KTN1: variants seen among roughly 807,000 people sequenced by gnomAD.
The protein encoded by KTN1 is kinectin.
Under a neutral mutation model 222.5 loss-of-function variants are expected in KTN1, and 130 were observed. The ratio of observed to expected loss-of-function variants is 0.58; its 90% confidence interval spans 0.51 to 0.68. The LOEUF (loss-of-function observed/expected upper bound fraction) is 0.68, where lower values mean the gene tolerates loss of function less well. Among genes scored for constraint, KTN1 ranks in the 30% least tolerant of loss-of-function variants. KTN1 has a pLI of 0.00. For synonymous variants in KTN1, 512 were observed against 496.3 expected, an observed-to-expected ratio of 1.03 and a Z score of -0.42; for missense variants, 1,508 against 1,500.4, an observed-to-expected ratio of 1.01 and a Z score of -0.08.
At chr14:55,580,778 C>T (rs916688745) in intron 1 of KTN1, among the ~76,000 whole-genome samples, 3 of 152,188 alleles carry the variant, frequency 2.0e-5, no homozygotes, top group African/African-American at 7.2e-5. Context: ...ATTACCGCCT[C>T]CTCGGCCGGT....
chr14:55,658,677 A>T, intron 30 of KTN1, 63 bp downstream of exon 30: 1 of 926,002 alleles, frequency 1.1e-6, no homozygotes, highest in East Asian at 2.5e-5. Flanking sequence ...AACCAGTGAC[A>T]TATGAGTATT....
At chr14:55,644,062 G>T (rs2042054326) in intron 18 of KTN1, among the ~76,000 whole-genome samples, 1 of 152,124 alleles carries the variant, frequency 6.6e-6, no homozygotes, top group African/African-American at 2.4e-5. Context: ...GACTCTGAAA[G>T]CTTTTTATTA....
Position 55,678,950 on chromosome 14 carries a change from G to C in KTN1, c.3948+506G>C, listed in dbSNP as rs376490477. 4.4e-4 allele frequency: 68 copies of C among 155,778 alleles called. No homozygotes were observed. The East Asian group carries it at 0.01, about 24-fold the overall frequency. 9.6% of individuals were successfully genotyped at this position (155,778 alleles called of 1,614,324 possible). A position where few individuals can be genotyped will look rare whatever the true frequency, so the allele number is the denominator to read the frequency against. On this transcript the variant is annotated intron_variant, in intron 42 of 43. Coordinates refer to ENST00000395314, the MANE Select transcript of KTN1 (RefSeq NM_001079521.2). ...CAAAACTGGTCCCTGGTGCCAAAAC[G>C]GTTGGGTATTGCTGGCCTAGAGTAT...
intron 31 of KTN1, among the ~76,000 whole-genome samples, chr14:55,660,560 T>C (rs1471875388): frequency 6.6e-6 from 1 of 152,070 alleles, no homozygotes; most frequent in Admixed American, 6.6e-5. Context: ...ATTGGGAATA[T>C]TGTTAATTTT....
At chr14:55,646,421 TCTTTCCTTCCTTTC>T (rs1413890942) in intron 18 of KTN1, among the ~76,000 whole-genome samples, 1 of 132,500 alleles carries the variant, frequency 7.5e-6, no homozygotes, top group African/African-American at 2.8e-5. Context: ...TTTTTTCCTT[TCTTTCCTTCCTTTC>T]CTTTCCTTTT....
At chr14:55,672,046 A>G (rs1348728236) in intron 37 of KTN1, 169 bp downstream of exon 37, 3 of 565,314 alleles carry the variant, frequency 5.3e-6, no homozygotes, top group Non-Finnish European at 9.5e-6. Flanking sequence ...AGAATAGTCT[A>G]ATGCCCACCC....
At chr14:55,654,093 A>G (rs539036321) in intron 28 of KTN1, among the ~76,000 whole-genome samples, 4 of 152,320 alleles carry the variant, frequency 2.6e-5, no homozygotes, top group Admixed American at 1.3e-4. Flanking sequence ...TCTAGTCAGC[A>G]TAAGAGGTGT....
chr14:55,647,358 G>C (rs2042467230), intron 19 of KTN1, among the ~76,000 whole-genome samples: 1 of 152,112 alleles, frequency 6.6e-6, no homozygotes, highest in Non-Finnish European at 1.5e-5. Context: ...TTAACTGCTG[G>C]GCGTGGTGGC....
intron 5 of KTN1, among the ~76,000 whole-genome samples, chr14:55,623,465 C>T (rs574226324): frequency 3.2e-4 from 49 of 152,326 alleles, no homozygotes; most frequent in African/African-American, 1.2e-3. Context: ...CCGTAGCCTT[C>T]AACTCTCGGG....
intron 27 of KTN1, among the ~76,000 whole-genome samples, chr14:55,653,302 A>G (rs1217376262): frequency 6.6e-6 from 1 of 152,194 alleles, no homozygotes. Context: ...GCATTTCCTT[A>G]TCTCTACCTT....
chr14:55,634,534 C>T lies in KTN1; in HGVS notation c.1337C>T (p.Ala446Val). 6.2e-7 allele frequency: 1 copy of T among 1,610,460 alleles called. No individual in the cohort carries two copies. The highest frequency in any genetic ancestry group is 1.1e-5 in the South Asian group (1 of 90,298). ...TTNQLESKQS[A>V]ELNKLRQDYA... The stretch of plus-strand genomic sequence containing the variant: ...CCAGTTACTGTTTTCAGGCAGTCTG[C>T]AGAACTAAATAAACTACGCCAGGAT... Residue 446 changes from alanine to valine, a missense_variant, in exon 9 of 44, where the codon GCA becomes GTA. Coordinates refer to ENST00000395314, the MANE Select transcript of KTN1 (RefSeq NM_001079521.2).
intron 40 of KTN1, chr14:55,674,064 C>T (rs2045686372): frequency 6.6e-6 from 1 of 151,748 alleles, no homozygotes. Flanking sequence ...TTTTCCTTAC[C>T]CAAAGTTCAC....
At chr14:55,584,317 G>C (rs1163150905) in intron 1 of KTN1, among the ~76,000 whole-genome samples, 9 of 152,112 alleles carry the variant, frequency 5.9e-5, no homozygotes, top group Non-Finnish European at 1.3e-4. Flanking sequence ...AAACGCTTAG[G>C]CTCCATCAAT....
rs191833512 is a variant in KTN1, at chr14:55,679,770, C to A, written c.4069+85C>A. 50 of 1,331,776 alleles carry A rather than the reference C, an allele frequency of 3.8e-5. No individual in the cohort carries two copies. The Admixed American group carries it at 7.8e-4, about 21-fold the overall frequency. The allele number at this position is 1,331,776 out of a possible 1,614,324, so 82.5% of individuals were successfully genotyped here. A position where few individuals can be genotyped will look rare whatever the true frequency, so the allele number is the denominator to read the frequency against. On this transcript the variant is annotated intron_variant, in intron 43 of 43. Transcript: ENST00000395314. ...TGTATTTACATAAATAAACTCACTT[C>A]ACTAGAGGAAATATTCCTTCTTTAT...
chr14:55,648,365 A>C (rs2042605792), intron 20 of KTN1, among the ~76,000 whole-genome samples: 1 of 152,234 alleles, frequency 6.6e-6, no homozygotes, highest in African/African-American at 2.4e-5. Context: ...AATTATAACC[A>C]AATGATAACT....
chr14:55,586,589 T>C (rs1452406482), intron 1 of KTN1, among the ~76,000 whole-genome samples: 1 of 152,140 alleles, frequency 6.6e-6, no homozygotes, highest in Non-Finnish European at 1.5e-5. Flanking sequence ...TTGAGCTGTT[T>C]TATAAGAATG....
intron 35 of KTN1, chr14:55,671,291 T>C: frequency 2.4e-6 from 1 of 411,550 alleles, no homozygotes. Flanking sequence ...AGCATAGGCA[T>C]TGTGACCATA....
At chr14:55,597,725 G>C (rs2035288236) in intron 1 of KTN1, among the ~76,000 whole-genome samples, 1 of 151,992 alleles carries the variant, frequency 6.6e-6, no homozygotes, top group Non-Finnish European at 1.5e-5. Flanking sequence ...ATGGTGGCGG[G>C]CACCTGTAAT....
intron 34 of KTN1, 114 bp from the exon 35 acceptor site, chr14:55,670,615 C>G (rs2045354947): frequency 1.6e-6 from 1 of 637,076 alleles, no homozygotes; most frequent in Admixed American, 3.3e-5. Flanking sequence ...TCCTGTTTGT[C>G]TGTGTAGGTT....
Sources: allele counts gnomAD v4.1 joint callset (sites outside exome capture counted in the v4.1 genomes callset), GRCh38; gene constraint gnomAD v4.1.1; transcripts MANE v1.5; gene names NCBI Gene and HGNC (gene_info 2026-07-23, HGNC 2026-07-21).